SLC6A6: variants seen among roughly 807,000 people sequenced by gnomAD.
SLC6A6 encodes the protein sodium- and chloride-dependent taurine transporter.
Under a neutral mutation model 68.8 loss-of-function variants are expected in SLC6A6, and 16 were observed. The observed-to-expected ratio is 0.23, with a 90% CI of 0.16 to 0.35. The LOEUF (loss-of-function observed/expected upper bound fraction) is 0.35, where lower values mean the gene tolerates loss of function less well. SLC6A6 is among the 10% of genes least tolerant of loss of function. SLC6A6 has a pLI of 1.00. For synonymous variants in SLC6A6, 312 were observed against 315.4 expected (o/e 0.99, Z 0.12); for missense variants, 474 against 802.8 (o/e 0.59, Z 4.95).
chr3:14,482,696 G>A (rs1701035819), intron 14 of SLC6A6, among the ~76,000 whole-genome samples: 1 of 152,162 alleles, frequency 6.6e-6, no homozygotes, highest in South Asian at 2.1e-4. Context: ...GGAGGGAGGG[G>A]AGACTGAGGA....
chr3:14,418,059 A>G (rs1483052658), intron 2 of SLC6A6, among the ~76,000 whole-genome samples: 1 of 152,236 alleles, frequency 6.6e-6, no homozygotes, highest in Admixed American at 6.5e-5. Flanking sequence ...ACACAAACAC[A>G]CACGTCAAAC....
At chr3:14,413,926 C>T (rs964691128) in intron 1 of SLC6A6, among the ~76,000 whole-genome samples, 1 of 152,166 alleles carries the variant, frequency 6.6e-6, no homozygotes, top group Non-Finnish European at 1.5e-5. Context: ...AAACAGACTT[C>T]AGTTTTATTT....
At chr3:14,445,218 T>G (rs556875060) in intron 3 of SLC6A6, among the ~76,000 whole-genome samples, 3 of 151,470 alleles carry the variant, frequency 2.0e-5, no homozygotes, top group East Asian at 3.9e-4. Flanking sequence ...GTCAGGAGAT[T>G]GAGAACATCC....
At chr3:14,431,616 A>G (rs944004932) in intron 2 of SLC6A6, among the ~76,000 whole-genome samples, 1 of 152,106 alleles carries the variant, frequency 6.6e-6, no homozygotes, top group African/African-American at 2.4e-5. Context: ...CTGGTTCTGG[A>G]TGGTGGAGGG....
intron 2 of SLC6A6, among the ~76,000 whole-genome samples, chr3:14,422,575 G>A (rs1368449975): frequency 1.3e-5 from 2 of 152,086 alleles, no homozygotes; most frequent in South Asian, 2.1e-4. Flanking sequence ...CAGCTTGGCC[G>A]CTTAGTGGCT....
chr3:14,416,640 C>G (rs1218988444), intron 2 of SLC6A6, among the ~76,000 whole-genome samples, 187 bp downstream of exon 2: 3 of 152,252 alleles, frequency 2.0e-5, no homozygotes, highest in Admixed American at 6.5e-5. Context: ...CTTGGCCACT[C>G]TGTGCCTGCT....
chr3:14,480,626 C>A (rs1461174525), intron 13 of SLC6A6, among the ~76,000 whole-genome samples: 2 of 152,234 alleles, frequency 1.3e-5, no homozygotes, highest in African/African-American at 2.4e-5. Context: ...CTAGTGCTCT[C>A]CCTTGCCCAT....
rs541713636 is a variant in SLC6A6 at position 14,431,737 on chromosome 3, G to A, written c.-11-11887G>A. Among the ~76,000 whole-genome samples the A allele has an allele frequency of 2.1e-4, 32 of 152,278 alleles. 1 individual carries two copies. The South Asian group carries it at 6.2e-3, about 30-fold the overall frequency. On this transcript the variant is annotated intron_variant, in intron 2 of 14. Coordinates refer to ENST00000622186, the MANE Select transcript of SLC6A6 (RefSeq NM_003043.6). ...CCCACCCTGTCTTGCTAAATCCCAG[G>A]CTGTTTGGTTCCTCTAGCACCACAC...
rs2341966 is a variant in SLC6A6, at chr3:14,425,655, C to G, written c.-12+9202C>G. On this transcript the variant is annotated intron_variant, in intron 2 of 14. Coordinates refer to ENST00000622186, the MANE Select transcript of SLC6A6 (RefSeq NM_003043.6). ...TTACACCCGGGGCTGCAGTGGGTGA[C>G]ACACTTTGCAGGAGTGAAAGGAAGC... Among the ~76,000 whole-genome samples the G allele has an allele frequency of 1.1e-3, 155 of 138,568 alleles. 1 individual carries two copies. The South Asian group carries it at 0.026, about 23-fold the overall frequency. 90.9% of individuals were successfully genotyped at this position (138,568 alleles called of 152,430 possible).
intron 10 of SLC6A6, among the ~76,000 whole-genome samples, chr3:14,473,709 GA>G (rs1700806804): frequency 1.3e-5 from 2 of 152,212 alleles, no homozygotes; most frequent in African/African-American, 4.8e-5. Flanking sequence ...GTTGTTGATA[GA>G]CTTGAGCTGA....
At chr3:14,409,729 G>A (rs1038155979) in intron 1 of SLC6A6, among the ~76,000 whole-genome samples, 2 of 152,236 alleles carry the variant, frequency 1.3e-5, no homozygotes, top group Non-Finnish European at 2.9e-5. Context: ...TCCAGTCTGG[G>A]AACGCCGCCT....
At position 14,468,488 on chromosome 3, in the gene SLC6A6, G is replaced by GT. The variant is rs1700675930; in HGVS notation, c.1096+276_1096+277insT. Among the ~76,000 whole-genome samples, 1 of 151,278 alleles carries GT rather than the reference G, an allele frequency of 6.6e-6. No homozygotes were observed. ...TAGCTACCTTAGTGTGGTCTTCCCC[G>GT]CCCCCCCGTCCTTCCCCAGCAAACT... On this transcript the variant is annotated intron_variant, in intron 9 of 14. Coordinates refer to ENST00000622186, the MANE Select transcript of SLC6A6 (RefSeq NM_003043.6). This position sits in a 1 kb window ranked among gnomAD's most constrained non-coding sequence, Gnocchi z 4.5.
intron 2 of SLC6A6, among the ~76,000 whole-genome samples, chr3:14,440,202 T>A (rs1211672838): frequency 6.6e-6 from 1 of 152,092 alleles, no homozygotes; most frequent in African/African-American, 2.4e-5. Flanking sequence ...ATGAGGACAC[T>A]GAAGACTAGT....
Position 14,447,782 on chromosome 3 carries a change from A to G in SLC6A6, c.565A>G (p.Thr189Ala), listed in dbSNP as rs768003614. 5 of 1,614,220 alleles carry G rather than the reference A, an allele frequency of 3.1e-6. No homozygotes were observed. In the Admixed American group the frequency reaches 8.3e-5, roughly 27 times the overall value. ...NKSVWITISS[T>A]NFTSPVIEFW... ...GAGTGTCTGGATCACCATCAGCTCC[A>G]CCAACTTCACCTCCCCTGTCATCGA... The change falls in exon 5 of 15, where the codon ACC (threonine) becomes GCC (alanine). Residue 189 changes from threonine (T) to alanine (A), a missense_variant. Thr to Ala is a moderately conservative substitution (Grantham distance 58). This residue lies in a region of SLC6A6 where 280 missense variants were observed against 533.1 expected (regional missense o/e 0.53). Coordinates refer to ENST00000622186, the MANE Select transcript of SLC6A6 (RefSeq NM_003043.6).
intron 10 of SLC6A6, among the ~76,000 whole-genome samples, chr3:14,474,858 G>A (rs1700836774): frequency 6.6e-6 from 1 of 152,230 alleles, no homozygotes; most frequent in African/African-American, 2.4e-5. Context: ...TGCGTCCTGG[G>A]CAAGGGAGCA....
chr3:14,436,247 C>T (rs983463935), intron 2 of SLC6A6, among the ~76,000 whole-genome samples: 2 of 152,128 alleles, frequency 1.3e-5, no homozygotes, highest in South Asian at 2.1e-4. Flanking sequence ...GTCACCCAGC[C>T]TGGAGTGAGG....
intron 2 of SLC6A6, among the ~76,000 whole-genome samples, chr3:14,426,218 G>A (rs1699593908): frequency 6.6e-6 from 1 of 152,176 alleles, no homozygotes; most frequent in Middle Eastern, 3.2e-3. Flanking sequence ...GCCCCAGAGC[G>A]CAGTGGTTAC....
At position 14,468,335 on chromosome 3, in the gene SLC6A6, A is replaced by ACCCC. The variant is rs35842831; in HGVS notation, c.1096+130_1096+133dup. On this transcript the variant is annotated intron_variant, in intron 9 of 14. Coordinates refer to ENST00000622186, the MANE Select transcript of SLC6A6 (RefSeq NM_003043.6). The surrounding 1 kb of genome is among the most constrained non-coding windows in gnomAD (Gnocchi z 4.5). ...GGGACGAGCCTGGTTTCTAAAATGGACCCCCCCCCCGCCACCAAGATATCC... is the reference window on the plus strand; with the variant it reads ...GGGACGAGCCTGGTTTCTAAAATGGACCCCCCCCCCCCCCGCCACCAAGATATCC... 8.5e-6 allele frequency: 5 copies of ACCCC among 591,314 alleles called. No homozygotes were observed. The South Asian group carries it at 9.2e-5, about 11-fold the overall frequency. The allele number at this position is 591,314 out of a possible 1,614,324, so 36.6% of individuals were successfully genotyped here. A position where few individuals can be genotyped will look rare whatever the true frequency, so the allele number is the denominator to read the frequency against.
intron 2 of SLC6A6, among the ~76,000 whole-genome samples, chr3:14,443,376 G>A (rs1700036139): frequency 6.6e-6 from 1 of 152,058 alleles, no homozygotes; most frequent in Non-Finnish European, 1.5e-5. Flanking sequence ...GGTGCCCGGG[G>A]AATGGACCTG....
Sources: allele counts gnomAD v4.1 joint callset (sites outside exome capture counted in the v4.1 genomes callset), GRCh38; gene constraint gnomAD v4.1.1; regional missense constraint gnomAD v4.1.1; non-coding constraint Gnocchi (gnomAD v3.1); transcripts MANE v1.5; gene names NCBI Gene and HGNC (gene_info 2026-07-23, HGNC 2026-07-21).